The following SMNDC1 variants were observed in gnomAD, a reference collection of about 807,000 sequenced individuals.
SMNDC1 encodes survival of motor neuron-related-splicing factor 30.
SMNDC1 carries 5 observed loss-of-function variants against 29.2 expected under a neutral mutation model. The ratio of observed to expected loss-of-function variants is 0.17; its 90% CI spans 0.09 to 0.36. The LOEUF (loss-of-function observed/expected upper bound fraction) is 0.36. SMNDC1 is among the 10% of genes least tolerant of loss of function. SMNDC1 has a pLI of 1.00. For synonymous variants in SMNDC1, 80 were observed against 89.9 expected, an observed-to-expected ratio of 0.89 and a Z score of 0.62; for missense variants, 142 against 268.5, an observed-to-expected ratio of 0.53 and a Z score of 3.29.
chr10:110,301,276 C>G (rs746575590), intron 2 of SMNDC1, among the ~76,000 whole-genome samples: 1 of 138,842 alleles, frequency 7.2e-6, no homozygotes, highest in Non-Finnish European at 1.7e-5. Context: ...GGGAACCCCA[C>G]AGCAAAATAG....
chr10:110,294,425 A>T, intron 5 of SMNDC1, 138 bp from the exon 6 acceptor site: 1 of 699,424 alleles, frequency 1.4e-6, no homozygotes, highest in Admixed American at 3.5e-5. Flanking sequence ...TTAGTGTTAA[A>T]AAATGGGTAC....
chr10:110,298,595 C>G, intron 3 of SMNDC1, 53 bp downstream of exon 3: 1 of 1,451,634 alleles, frequency 6.9e-7, no homozygotes, highest in Non-Finnish European at 9.5e-7. Flanking sequence ...AACTTCTTAC[C>G]ATTGTATTTT....
chr10:110,294,126 G>A lies in SMNDC1; in HGVS notation c.*24C>T. ...AAAGGTAAATGTAAAGCCCTGCAGA[G>A]ATGAAATCCAACAGTTTTTCTGATT... is the stretch of plus-strand genomic sequence containing the variant. On this transcript the variant is annotated 3_prime_UTR_variant, in exon 6 of 6. Transcript: ENST00000369603. 3 of 1,550,164 alleles carry A rather than the reference G, an allele frequency of 1.9e-6. No individual in the cohort carries two copies. Among genetic ancestry groups the A allele is most frequent in the Non-Finnish European group, 2.6e-6 (3 of 1,152,944 alleles).
At position 110,294,075 on chromosome 10, in the gene SMNDC1, T is replaced by A. The variant is rs572767915; in HGVS notation, c.*75A>T. On this transcript the variant is annotated 3_prime_UTR_variant, in exon 6 of 6. Transcript: ENST00000369603. ...CTTGCTTACTCATCTAACAAATAATTTACCTTTAGAAAAATATAAGGATAA... is the reference window on the plus strand; with the variant it reads ...CTTGCTTACTCATCTAACAAATAATATACCTTTAGAAAAATATAAGGATAA... 10 of 1,222,238 alleles carry A rather than the reference T, an allele frequency of 8.2e-6. No homozygotes were observed. The South Asian group carries it at 1.7e-4, about 20-fold the overall frequency. The allele number at this position is 1,222,238 out of a possible 1,614,324, so 75.7% of individuals were successfully genotyped here. A position where few individuals can be genotyped will look rare whatever the true frequency, so the allele number is the denominator to read the frequency against.
chr10:110,300,788 T>C, intron 2 of SMNDC1: 2 of 866,196 alleles, frequency 2.3e-6, no homozygotes, highest in Non-Finnish European at 2.8e-6. Context: ...AGAACCAGCT[T>C]ATTCAGCAAA....
rs948066713 is a variant in SMNDC1, at chr10:110,292,778, A to G, written c.*1372T>C. 1 of 152,182 alleles carries G rather than the reference A, an allele frequency of 6.6e-6. No individual in the cohort carries two copies. The highest frequency in any genetic ancestry group is 1.5e-5 in the Non-Finnish European group (1 of 68,030). 9.4% of individuals were successfully genotyped at this position (152,182 alleles called of 1,614,324 possible). ...TCCTAAGTTTCAATTTATAAAAAAA[A>G]TTAAAATTCATGAAATAAAAACTTA... On this transcript the variant is annotated 3_prime_UTR_variant, in exon 6 of 6. Transcript: ENST00000369603.
chr10:110,301,845 C>T (rs1365762938), intron 2 of SMNDC1, among the ~76,000 whole-genome samples: 6 of 152,206 alleles, frequency 3.9e-5, no homozygotes, highest in South Asian at 2.1e-4. Context: ...TTTCCCCCTA[C>T]AGTACTTTCC....
intron 5 of SMNDC1, 93 bp downstream of exon 5, chr10:110,295,135 C>T: frequency 8.2e-7 from 1 of 1,218,500 alleles, no homozygotes; most frequent in Non-Finnish European, 1.1e-6. Flanking sequence ...GTTAATCATA[C>T]TTTACAAAAA....
intron 2 of SMNDC1, 90 bp downstream of exon 2, chr10:110,303,378 G>A: frequency 8.5e-7 from 1 of 1,180,370 alleles, no homozygotes; most frequent in Non-Finnish European, 1.2e-6. Context: ...AGGGTGGGGT[G>A]TAACCCCTCA....
chr10:110,297,575 G>C lies in SMNDC1; in HGVS notation c.417C>G (p.Pro139=). ...RKAKEDSGNK[P]MSKKEMIAQQ... is the part of the protein sequence containing the mutation. ...AAGTCAAAGTCACTTACTTTGACAT[G>C]GGTTTGTTGCCACTGTCCTCCTTTG... Residue 139 remains proline (P), a synonymous_variant, in exon 4 of 6, where the codon CCC becomes CCG. Coordinates refer to ENST00000369603, the MANE Select transcript of SMNDC1 (RefSeq NM_005871.4). The C allele has an allele frequency of 6.2e-7, 1 of 1,612,334 alleles. No homozygotes were observed.
Position 110,291,166 on chromosome 10 carries a change from C to T in SMNDC1, c.*2984G>A, listed in dbSNP as rs991622345. On this transcript the variant is annotated 3_prime_UTR_variant, in exon 6 of 6. Transcript: ENST00000369603. ...AGTCAAACTTTTATAGTTAACAGTT[C>T]TCAGACGGGGATGCACATCAGGATC... The T allele has an allele frequency of 6.6e-6, 1 of 152,168 alleles. No homozygotes were observed. Among genetic ancestry groups the T allele is most frequent in the South Asian group, 2.1e-4 (1 of 4,832 alleles). The allele number at this position is 152,168 out of a possible 1,614,324, so 9.4% of individuals were successfully genotyped here. A position where few individuals can be genotyped will look rare whatever the true frequency, so the allele number is the denominator to read the frequency against.
At chr10:110,297,774 C>G in intron 3 of SMNDC1, 46 bp from the exon 4 acceptor site, 2 of 1,564,238 alleles carry the variant, frequency 1.3e-6, no homozygotes, top group African/African-American at 1.4e-5. Flanking sequence ...AGGTTTAGTA[C>G]TCAGCCTACA....
chr10:110,300,014 G>A (rs1432204989), intron 2 of SMNDC1, among the ~76,000 whole-genome samples: 1 of 152,104 alleles, frequency 6.6e-6, no homozygotes, highest in Non-Finnish European at 1.5e-5. Flanking sequence ...ACAGTCCTTT[G>A]CAAACAAAGC....
chr10:110,302,566 T>C (rs746722991), intron 2 of SMNDC1, among the ~76,000 whole-genome samples: 73 of 152,226 alleles, frequency 4.8e-4, no homozygotes, highest in Non-Finnish European at 6.0e-4. Context: ...AGTGGGATAA[T>C]AAAGGGAGGG....
chr10:110,292,019 AGCT>A lies in SMNDC1; in HGVS notation c.*2128_*2130del, dbSNP rs1564731900. On this transcript the variant is annotated 3_prime_UTR_variant, in exon 6 of 6. Coordinates refer to ENST00000369603, the MANE Select transcript of SMNDC1 (RefSeq NM_005871.4). ...AACTCTACATTAAATTTTCTAACAA[AGCT>A]TTTTAAGGTCAAGGTTTATATTTTG... 1 of 152,194 alleles carries A rather than the reference AGCT, an allele frequency of 6.6e-6. No homozygotes were observed. Among genetic ancestry groups the A allele is most frequent in the Non-Finnish European group, 1.5e-5 (1 of 68,018 alleles). The allele number at this position is 152,194 out of a possible 1,614,324, so 9.4% of individuals were successfully genotyped here.
intron 2 of SMNDC1, among the ~76,000 whole-genome samples, chr10:110,303,026 G>GA (rs544371322): frequency 8.9e-5 from 13 of 146,486 alleles, no homozygotes; most frequent in Non-Finnish European, 1.2e-4. Flanking sequence ...TAGCTTTGGG[G>GA]AAAAAAAAAA....
At chr10:110,302,425 G>T (rs991523998) in intron 2 of SMNDC1, among the ~76,000 whole-genome samples, 1 of 152,156 alleles carries the variant, frequency 6.6e-6, no homozygotes, top group Non-Finnish European at 1.5e-5. Context: ...TCTAAATGTA[G>T]AACTTGAAAG....
intron 2 of SMNDC1, among the ~76,000 whole-genome samples, chr10:110,302,146 A>G (rs1857660367): frequency 6.6e-6 from 1 of 152,226 alleles, no homozygotes. Flanking sequence ...TAAGAAAATA[A>G]GAGGTCGGTG....
At chr10:110,297,801 G>T in intron 3 of SMNDC1, 73 bp from the exon 4 acceptor site, 1 of 1,275,460 alleles carries the variant, frequency 7.8e-7, no homozygotes, top group Non-Finnish European at 1.1e-6. Context: ...ATACTGTAGT[G>T]ATAAAATTAT....
Sources: allele counts gnomAD v4.1 joint callset (sites outside exome capture counted in the v4.1 genomes callset), GRCh38; gene constraint gnomAD v4.1.1; transcripts MANE v1.5; gene names NCBI Gene and HGNC (gene_info 2026-07-23, HGNC 2026-07-21).